The following ENOX1 variants were observed in gnomAD, a reference collection of about 807,000 sequenced individuals.
ENOX1 encodes the protein candidate growth-related and time keeping constitutive hydroquinone (NADH) oxidase.
In ENOX1, 42 loss-of-function variants were observed where a neutral mutation model predicts 82.5. That is an observed-to-expected ratio of 0.51 (90% CI 0.40 to 0.66). ENOX1 has a LOEUF of 0.66. ENOX1 is among the 30% of genes least tolerant of loss of function. The probability of loss-of-function intolerance (pLI) is 0.00; values close to 1 mark genes in which losing one functional copy is unlikely to be tolerated. For synonymous variants in ENOX1, 271 were observed against 282.2 expected, an observed-to-expected ratio of 0.96 and a Z score of 0.40; for missense variants, 608 against 811.6, an observed-to-expected ratio of 0.75 and a Z score of 3.05.
intron 11 of ENOX1, among the ~76,000 whole-genome samples, chr13:43,298,903 C>T (rs1248879654): frequency 6.6e-6 from 1 of 152,096 alleles, no homozygotes; most frequent in South Asian, 2.1e-4. Flanking sequence ...TATTGTCTTC[C>T]CCCTTTCTAC....
At position 43,298,457 on chromosome 13, in the gene ENOX1, A is replaced by G. The variant is rs1446147082; in HGVS notation, c.1335T>C (p.Asn445=). ...TTTCTTGTTTCAGCAGCTCCACCTC[A>G]TTCCTGTAGGCATCCAGCTGCCAGC... ...SLRWQLDAYR[N]EVELLKQEKE... The change falls in exon 12 of 17, where the codon AAT becomes AAC. Residue 445 remains asparagine (N), a synonymous_variant. Coordinates refer to ENST00000690772, the MANE Select transcript of ENOX1 (RefSeq NM_001347969.2). 4 of 1,613,902 alleles carry G rather than the reference A, an allele frequency of 2.5e-6. No homozygotes were observed. The South Asian group carries it at 4.4e-5, about 18-fold the overall frequency.
chr13:43,782,706 T>C (rs762443518), intron 1 of ENOX1, among the ~76,000 whole-genome samples: 60 of 152,358 alleles, frequency 3.9e-4, no homozygotes, highest in Middle Eastern at 6.8e-3. Flanking sequence ...GAATACAGAT[T>C]ATTTAAAATA....
chr13:43,256,302 T>C (rs927694469), intron 14 of ENOX1, among the ~76,000 whole-genome samples: 4 of 151,840 alleles, frequency 2.6e-5, no homozygotes, highest in African/African-American at 9.7e-5. Flanking sequence ...AATAGACAAA[T>C]GGAATTACAT....
chr13:43,499,802 C>A (rs2076918213), intron 2 of ENOX1, among the ~76,000 whole-genome samples: 1 of 151,910 alleles, frequency 6.6e-6, no homozygotes, highest in South Asian at 2.1e-4. Flanking sequence ...AGAATTCAAA[C>A]AATTATCTTA....
chr13:43,754,348 TA>T (rs1308635995), intron 1 of ENOX1, among the ~76,000 whole-genome samples: 5 of 147,652 alleles, frequency 3.4e-5, no homozygotes, highest in African/African-American at 7.6e-5. Flanking sequence ...TTATTATTAT[TA>T]TTTATTTTTT....
intron 2 of ENOX1, among the ~76,000 whole-genome samples, chr13:43,653,898 C>A (rs1344142835): frequency 6.6e-6 from 1 of 152,134 alleles, no homozygotes; most frequent in Admixed American, 6.5e-5. Flanking sequence ...AAAATGCCAC[C>A]ATTGAACCAC....
At chr13:43,345,885 T>G (rs551824754) in intron 8 of ENOX1, among the ~76,000 whole-genome samples, 1 of 152,272 alleles carries the variant, frequency 6.6e-6, no homozygotes, top group Admixed American at 6.5e-5. Flanking sequence ...TAAAAAATAC[T>G]GAGTGCCTAC....
At chr13:43,340,434 T>C (rs145222332) in intron 9 of ENOX1, among the ~76,000 whole-genome samples, 37 of 152,340 alleles carry the variant, frequency 2.4e-4, no homozygotes, top group African/African-American at 8.2e-4. Flanking sequence ...ACAATCTCGG[T>C]TGATATCTGC....
At chr13:43,699,874 G>A (rs1321606706) in intron 1 of ENOX1, among the ~76,000 whole-genome samples, 1 of 152,082 alleles carries the variant, frequency 6.6e-6, no homozygotes, top group East Asian at 1.9e-4. Flanking sequence ...TGAAACATAT[G>A]TACAATGTGT....
intron 8 of ENOX1, among the ~76,000 whole-genome samples, chr13:43,349,362 T>G (rs1460773851): frequency 1.3e-5 from 2 of 152,350 alleles, no homozygotes; most frequent in East Asian, 3.9e-4. Context: ...TTTGAAAGCA[T>G]TTTTAATTCT....
At chr13:43,692,958 T>C (rs887350127) in intron 1 of ENOX1, among the ~76,000 whole-genome samples, 1 of 152,200 alleles carries the variant, frequency 6.6e-6, no homozygotes, top group Admixed American at 6.5e-5. Context: ...TAGCTCTTTA[T>C]ATTACAGTAT....
intron 2 of ENOX1, among the ~76,000 whole-genome samples, chr13:43,592,668 A>G (rs1356671175): frequency 1.3e-5 from 2 of 152,200 alleles, no homozygotes; most frequent in East Asian, 3.9e-4. Flanking sequence ...GAAGGAAGGG[A>G]AGGAAGGAAG....
chr13:43,444,906 G>A (rs985725945), intron 3 of ENOX1, among the ~76,000 whole-genome samples: 3 of 152,172 alleles, frequency 2.0e-5, no homozygotes, highest in Non-Finnish European at 2.9e-5. Flanking sequence ...ACGAGGCAGG[G>A]GGCAGAAGCT....
intron 2 of ENOX1, among the ~76,000 whole-genome samples, chr13:43,653,052 G>A (rs947180631): frequency 6.6e-6 from 1 of 152,200 alleles, no homozygotes; most frequent in Non-Finnish European, 1.5e-5. Context: ...AGGCAGAGAG[G>A]CTACAGAGTC....
intron 1 of ENOX1, among the ~76,000 whole-genome samples, chr13:43,770,536 G>A (rs1212355860): frequency 1.3e-5 from 2 of 152,124 alleles, no homozygotes; most frequent in Non-Finnish European, 2.9e-5. Flanking sequence ...TCCAATAAAA[G>A]TATTCAAGTC....
chr13:43,354,527 G>A (rs1413397713), intron 8 of ENOX1, among the ~76,000 whole-genome samples: 2 of 148,812 alleles, frequency 1.3e-5, no homozygotes, highest in African/African-American at 5.0e-5. Flanking sequence ...TAAAATAGGT[G>A]TTAGGCAGCT....
intron 1 of ENOX1, among the ~76,000 whole-genome samples, chr13:43,785,455 C>A (rs1342989909): frequency 6.6e-6 from 1 of 152,216 alleles, no homozygotes; most frequent in Non-Finnish European, 1.5e-5. Flanking sequence ...TGGCCAGGAA[C>A]CTTTCCATAC....
chr13:43,462,436 A>G (rs1391296987), intron 3 of ENOX1, among the ~76,000 whole-genome samples: 1 of 152,248 alleles, frequency 6.6e-6, no homozygotes, highest in African/African-American at 2.4e-5. Flanking sequence ...AGAAGTAGGC[A>G]CCACTGGTTA....
intron 3 of ENOX1, among the ~76,000 whole-genome samples, chr13:43,431,159 G>A (rs567803037): frequency 2.0e-5 from 3 of 152,112 alleles, no homozygotes; most frequent in East Asian, 1.9e-4. Flanking sequence ...TTTCAGCTTC[G>A]CAGAAACAGA....
Sources: allele counts gnomAD v4.1 joint callset (sites outside exome capture counted in the v4.1 genomes callset), GRCh38; gene constraint gnomAD v4.1.1; transcripts MANE v1.5; gene names NCBI Gene and HGNC (gene_info 2026-07-23, HGNC 2026-07-21).